The following RGS20 variants were observed in gnomAD, a reference collection of about 807,000 sequenced individuals.
RGS20 encodes the protein regulator of G protein signaling 20.
Under a neutral mutation model 33.6 loss-of-function variants are expected in RGS20, and 30 were observed. The observed-to-expected ratio is 0.89, with a 90% CI of 0.67 to 1.21. RGS20 has a LOEUF of 1.21. Ranked by LOEUF, RGS20 falls within the 50% of genes most tolerant of loss-of-function variation. The pLI, the probability that RGS20 is intolerant of heterozygous loss-of-function variation, is 0.00. For synonymous variants in RGS20, 208 were observed against 197.9 expected (o/e 1.05, Z -0.43); for missense variants, 472 against 502.4 (o/e 0.94, Z 0.58).
At chr8:53,902,794 C>T (rs1353798517) in intron 2 of RGS20, among the ~76,000 whole-genome samples, 4 of 151,926 alleles carry the variant, frequency 2.6e-5, no homozygotes, top group Admixed American at 6.6e-5. Context: ...GGCACGATCT[C>T]GGCTCACAGC....
At chr8:53,896,434 G>T (rs1812865229) in intron 2 of RGS20, among the ~76,000 whole-genome samples, 1 of 152,352 alleles carries the variant, frequency 6.6e-6, no homozygotes, top group African/African-American at 2.4e-5. Flanking sequence ...GTTGCAGACA[G>T]ACCAGGAGGC....
At chr8:53,915,236 T>C (rs377308041) in intron 2 of RGS20, among the ~76,000 whole-genome samples, 140 of 151,854 alleles carry the variant, frequency 9.2e-4, no homozygotes, top group African/African-American at 3.3e-3. Flanking sequence ...TCTCCAGAGG[T>C]TGCGCAGACC....
At chr8:53,942,424 A>T (rs1296195362) in intron 3 of RGS20, among the ~76,000 whole-genome samples, 5 of 151,838 alleles carry the variant, frequency 3.3e-5, no homozygotes, top group Non-Finnish European at 7.4e-5. Flanking sequence ...GTGCCATTGC[A>T]CTCCAGTGTG....
At position 53,877,820 on chromosome 8, in the gene RGS20, C is replaced by G. The variant is rs1014242576; in HGVS notation, c.166-1438C>G. On this transcript the variant is annotated intron_variant, in intron 1 of 5. Coordinates refer to ENST00000297313, the MANE Select transcript of RGS20 (RefSeq NM_170587.4). The surrounding 1 kb of genome is among the most constrained non-coding windows in gnomAD (Gnocchi z 5.7). ...CAAGACAAATCAGCCACCGCACTCG[C>G]GGCTTCCCAGAAAGGGCCTCATGAA... 6.6e-6 allele frequency among the ~76,000 whole-genome samples: 1 copy of G among 152,248 alleles called. No homozygotes were observed. The highest frequency in any genetic ancestry group is 2.4e-5 in the African/African-American group (1 of 41,466).
chr8:53,940,002 C>A (rs938009276), intron 3 of RGS20, among the ~76,000 whole-genome samples: 2 of 152,238 alleles, frequency 1.3e-5, no homozygotes, highest in Admixed American at 1.3e-4. Context: ...GATTGACTAT[C>A]AACATTTGGG....
chr8:53,940,271 A>T (rs925361356), intron 3 of RGS20, among the ~76,000 whole-genome samples: 1 of 152,246 alleles, frequency 6.6e-6, no homozygotes, highest in Non-Finnish European at 1.5e-5. Context: ...TAAAAAGGAA[A>T]GAAACGACTT....
At chr8:53,882,204 A>AAG (rs1396044868) in intron 2 of RGS20, among the ~76,000 whole-genome samples, 2 of 151,988 alleles carry the variant, frequency 1.3e-5, no homozygotes, top group Admixed American at 6.6e-5. Context: ...AGAGAAGTGG[A>AAG]AGAGAGAGAG....
At chr8:53,916,656 G>C (rs1378408946) in intron 2 of RGS20, among the ~76,000 whole-genome samples, 1 of 152,162 alleles carries the variant, frequency 6.6e-6, no homozygotes, top group Non-Finnish European at 1.5e-5. Context: ...GGTATTTCTA[G>C]TAGTGGATTT....
chr8:53,943,341 TTCTC>T (rs1814364244), intron 3 of RGS20, among the ~76,000 whole-genome samples: 1 of 152,238 alleles, frequency 6.6e-6, no homozygotes, highest in Admixed American at 6.5e-5. Flanking sequence ...TTGTGAATCT[TTCTC>T]AACATTTTGC....
At chr8:53,907,903 G>A (rs1165766363) in intron 2 of RGS20, among the ~76,000 whole-genome samples, 2 of 152,172 alleles carry the variant, frequency 1.3e-5, no homozygotes, top group Non-Finnish European at 2.9e-5. Flanking sequence ...GCAGCCATCA[G>A]AGGTAGGAGG....
intron 2 of RGS20, among the ~76,000 whole-genome samples, chr8:53,883,158 T>C (rs577990076): frequency 1.1e-3 from 153 of 143,930 alleles, no homozygotes; most frequent in Non-Finnish European, 1.9e-3. Flanking sequence ...TCTTTCTTTC[T>C]TTTTTTTTTT....
At chr8:53,940,370 G>A (rs1400524486) in intron 3 of RGS20, among the ~76,000 whole-genome samples, 1 of 152,170 alleles carries the variant, frequency 6.6e-6, no homozygotes, top group East Asian at 1.9e-4. Context: ...GGGAACTTTA[G>A]GTTACATCTT....
intron 2 of RGS20, among the ~76,000 whole-genome samples, chr8:53,902,665 TA>T (rs1813062470): frequency 6.6e-6 from 1 of 152,220 alleles, no homozygotes; most frequent in South Asian, 2.1e-4. Flanking sequence ...ACCAATAGGT[TA>T]TGGATACTGC....
intron 2 of RGS20, among the ~76,000 whole-genome samples, chr8:53,915,950 A>G (rs1813471577): frequency 6.6e-6 from 1 of 152,156 alleles, no homozygotes; most frequent in Non-Finnish European, 1.5e-5. Context: ...CTTGTATTCC[A>G]TACTTCCCCT....
chr8:53,895,536 A>C (rs1323192476), intron 2 of RGS20, among the ~76,000 whole-genome samples: 6 of 152,160 alleles, frequency 3.9e-5, no homozygotes, highest in East Asian at 3.9e-4. Flanking sequence ...TAAACAGTCT[A>C]TGAAGAATTT....
Position 53,877,275 on chromosome 8 carries a change from TG to T in RGS20, c.166-1979del, listed in dbSNP as rs1812229031. ...CTGGTCCTCTCTCGACTTCTTAGCG[TG>T]GGGTCCCGCCGGCCCTGCCGCCCGT... On this transcript the variant is annotated intron_variant, in intron 1 of 5. Transcript: ENST00000297313. This position sits in a 1 kb window ranked among gnomAD's most constrained non-coding sequence, Gnocchi z 5.7. Among the ~76,000 whole-genome samples the T allele has an allele frequency of 6.6e-6, 1 of 152,152 alleles. No homozygotes were observed. Among genetic ancestry groups the T allele is most frequent in the South Asian group, 2.1e-4 (1 of 4,798 alleles).
At chr8:53,937,387 A>G (rs779517822) in intron 2 of RGS20, among the ~76,000 whole-genome samples, 1 of 152,100 alleles carries the variant, frequency 6.6e-6, no homozygotes, top group African/African-American at 2.4e-5. Flanking sequence ...TTAAATCAAG[A>G]TGGATTAAAG....
intron 5 of RGS20, among the ~76,000 whole-genome samples, 179 bp downstream of exon 4, chr8:53,954,489 C>T (rs112143827): frequency 0.019 from 2,925 of 151,638 alleles, 41 homozygotes; most frequent in Middle Eastern, 0.034. Context: ...CATGGTGAAA[C>T]CCCGTCTCTA....
At chr8:53,867,154 C>A (rs770102321) in intron 1 of RGS20, among the ~76,000 whole-genome samples, 1 of 152,090 alleles carries the variant, frequency 6.6e-6, no homozygotes, top group African/African-American at 2.4e-5. Flanking sequence ...AACTGTCTCC[C>A]TTCATTTCAC....
Sources: allele counts gnomAD v4.1 joint callset (sites outside exome capture counted in the v4.1 genomes callset), GRCh38; gene constraint gnomAD v4.1.1; non-coding constraint Gnocchi (gnomAD v3.1); transcripts MANE v1.5; gene names NCBI Gene and HGNC (gene_info 2026-07-23, HGNC 2026-07-21).